Variants in USP15 observed in about 807,000 individuals in gnomAD.
USP15 encodes ubiquitin carboxyl-terminal hydrolase 15.
Under a neutral mutation model 127.1 loss-of-function variants are expected in USP15, and 18 were observed. The observed-to-expected ratio is 0.14, with a 90% CI of 0.10 to 0.21. The LOEUF is 0.21. Among genes scored for constraint, USP15 ranks in the 10% least tolerant of loss-of-function variants. The pLI, the probability that USP15 is intolerant of heterozygous loss-of-function variation, is 1.00. For missense variants in USP15, 805 were observed against 1,159.9 expected, an observed-to-expected ratio of 0.69 and a Z score of 4.44; for synonymous variants, 364 against 393.7, an observed-to-expected ratio of 0.92 and a Z score of 0.89.
chr12:62,281,627 C>T (rs1276051899), intron 1 of USP15, among the ~76,000 whole-genome samples: 1 of 152,156 alleles, frequency 6.6e-6, no homozygotes, highest in African/African-American at 2.4e-5. Context: ...GCGTGAGCCA[C>T]AGCACCTGGC....
intron 6 of USP15, among the ~76,000 whole-genome samples, chr12:62,347,404 CT>C (rs933281290): frequency 3.5e-5 from 5 of 142,028 alleles, no homozygotes; most frequent in Admixed American, 2.7e-4. Flanking sequence ...GTCTCAGTCA[CT>C]TTATTGGATG....
intron 8 of USP15, among the ~76,000 whole-genome samples, chr12:62,357,528 T>C (rs995320291): frequency 1.3e-5 from 2 of 152,062 alleles, no homozygotes; most frequent in African/African-American, 4.8e-5. Flanking sequence ...GCCGTGAGCG[T>C]GATGGTTTAT....
In USP15 at chr12:62,344,065, C is replaced by T. The variant is rs541782722; in HGVS notation, c.684-5156C>T. On this transcript the variant is annotated intron_variant, in intron 6 of 21. Transcript: ENST00000280377. ...GCCCCTGGCCCCTCCCAAATCTCAT[C>T]TCTTCACATTTCAAAACCAGTCATG... Among the ~76,000 whole-genome samples, 14 of 152,036 alleles carry T rather than the reference C, an allele frequency of 9.2e-5. No homozygotes were observed. The South Asian group carries it at 2.1e-3, about 23-fold the overall frequency.
At chr12:62,357,216 C>T (rs1219206105) in intron 8 of USP15, among the ~76,000 whole-genome samples, 1 of 152,018 alleles carries the variant, frequency 6.6e-6, no homozygotes, top group Non-Finnish European at 1.5e-5. Context: ...GACTAAATTC[C>T]TTCTAAAGCA....
At chr12:62,319,076 A>T (rs1223936904) in intron 4 of USP15, among the ~76,000 whole-genome samples, 1 of 152,314 alleles carries the variant, frequency 6.6e-6, no homozygotes, top group African/African-American at 2.4e-5. Flanking sequence ...ATTGACTTAC[A>T]GTTCCATAGG....
chr12:62,265,788 CCT>C (rs1328297535), intron 1 of USP15, among the ~76,000 whole-genome samples: 1 of 152,152 alleles, frequency 6.6e-6, no homozygotes, highest in East Asian at 1.9e-4. Context: ...CTCAAATGAT[CCT>C]CTGACTTCAG....
chr12:62,370,825 A>G lies in USP15; in HGVS notation c.916-10665A>G, dbSNP rs149199687. ...GGACATTCCTGCCAAGTTAAACTAC[A>G]TGTAACTTAAACTCAAGATGCCTAC... On this transcript the variant is annotated intron_variant, in intron 8 of 21. Coordinates refer to ENST00000280377, the MANE Select transcript of USP15 (RefSeq NM_001252078.2). Among the ~76,000 whole-genome samples the G allele has an allele frequency of 2.2e-3, 339 of 152,310 alleles. 2 individuals are homozygous for G. The highest frequency in any genetic ancestry group is 8.0e-3 in the African/African-American group (334 of 41,562).
intron 1 of USP15, among the ~76,000 whole-genome samples, chr12:62,263,673 CAAG>C (rs762740216): frequency 2.0e-5 from 3 of 152,104 alleles, no homozygotes; most frequent in South Asian, 2.1e-4. Context: ...TTTTAAAAAG[CAAG>C]AAGAAGGTAG....
At chr12:62,313,757 A>G (rs548965902) in intron 3 of USP15, among the ~76,000 whole-genome samples, 1 of 151,966 alleles carries the variant, frequency 6.6e-6, no homozygotes, top group African/African-American at 2.4e-5. Flanking sequence ...AAAAAATTGT[A>G]ACAAGTATGA....
chr12:62,335,236 G>T lies in USP15; in HGVS notation c.683+9303G>T, dbSNP rs1319914881. 6 of 1,534,394 alleles carry T rather than the reference G, an allele frequency of 3.9e-6. No individual in the cohort carries two copies. In the Admixed American group the frequency reaches 7.9e-5, roughly 20 times the overall value. Reference sequence around the variant, plus strand: ...TACGTCACAGAAAGAGAGCTAAAGGGCTCTGGTTATCATCCACAGACTGAC... The same window carrying T: ...TACGTCACAGAAAGAGAGCTAAAGGTCTCTGGTTATCATCCACAGACTGAC... On this transcript the variant is annotated intron_variant, in intron 6 of 21. Transcript: ENST00000280377.
intron 3 of USP15, among the ~76,000 whole-genome samples, chr12:62,308,984 G>A (rs1181030216): frequency 1.3e-5 from 2 of 152,154 alleles, no homozygotes; most frequent in African/African-American, 4.8e-5. Context: ...TTCTCAGAAG[G>A]AATTTTATAG....
At chr12:62,328,293 C>T in intron 6 of USP15, 1 of 453,578 alleles carries the variant, frequency 2.2e-6, no homozygotes, top group South Asian at 1.6e-5. Flanking sequence ...ATGTTTTCAG[C>T]TTTGTGGGCC....
At chr12:62,262,660 T>A (rs1007834789) in intron 1 of USP15, among the ~76,000 whole-genome samples, 11 of 152,162 alleles carry the variant, frequency 7.2e-5, no homozygotes, top group African/African-American at 2.7e-4. Context: ...TTTATATATG[T>A]GCGTGTGTGT....
chr12:62,393,803 A>G (rs2137631604), intron 19 of USP15: 1 of 152,422 alleles, frequency 6.6e-6, no homozygotes, highest in East Asian at 1.9e-4. Context: ...GCTGGTCTCG[A>G]ACTCCTGACC....
chr12:62,359,444 G>A (rs572689116), intron 8 of USP15, among the ~76,000 whole-genome samples: 1 of 152,048 alleles, frequency 6.6e-6, no homozygotes, highest in East Asian at 1.9e-4. Flanking sequence ...TTTTGTAAGG[G>A]TTACGTGAGT....
In USP15 at chr12:62,262,004, C is replaced by T. The variant is rs79870446; in HGVS notation, c.89+1501C>T. On this transcript the variant is annotated intron_variant, in intron 1 of 21. Transcript: ENST00000280377. The stretch of plus-strand genomic sequence containing the variant: ...CCTGTAACCCAGCACTTTGGGAGGC[C>T]GAGGAGGGAGGATCACTTGAACTCA... Among the ~76,000 whole-genome samples the T allele has an allele frequency of 3.4e-4, 52 of 152,048 alleles. 1 individual carries two copies. In the South Asian group the frequency reaches 3.7e-3, roughly 11 times the overall value.
chr12:62,381,274 T>G (rs2137567273), intron 8 of USP15, among the ~76,000 whole-genome samples: 1 of 152,150 alleles, frequency 6.6e-6, no homozygotes, highest in South Asian at 2.1e-4. Context: ...ATATTAGCAT[T>G]TTTATTTATT....
rs144332465 is a variant in USP15 at position 62,354,120 on chromosome 12, G to GGT, written c.771-1197_771-1196dup. On this transcript the variant is annotated intron_variant, in intron 7 of 21. Coordinates refer to ENST00000280377, the MANE Select transcript of USP15 (RefSeq NM_001252078.2). Reference sequence around the variant, plus strand: ...GGTTTTGTGTGTTTTCTCTGGGGGTGGTGTGTGTGTGTGTGCGTGTGTGTG... The same window carrying GGT: ...GGTTTTGTGTGTTTTCTCTGGGGGTGGTGTGTGTGTGTGTGTGCGTGTGTGTG... Among the ~76,000 whole-genome samples the GGT allele has an allele frequency of 2.5e-4, 37 of 149,660 alleles. No individual in the cohort carries two copies. The East Asian group carries it at 5.7e-3, about 23-fold the overall frequency.
rs116368098 is a variant in USP15 at position 62,272,040 on chromosome 12, G to A, written c.89+11537G>A. ...TGAAACCATGAAATTCTGAGTCTTA[G>A]TTTGTGGTACTTAAAAAAAAAGTCA... On this transcript the variant is annotated intron_variant, in intron 1 of 21. Coordinates refer to ENST00000280377, the MANE Select transcript of USP15 (RefSeq NM_001252078.2). 3.7e-3 allele frequency among the ~76,000 whole-genome samples: 565 copies of A among 151,280 alleles called. 5 individuals are homozygous for A. The highest frequency in any genetic ancestry group is 0.013 in the African/African-American group (531 of 41,284).
Sources: allele counts gnomAD v4.1 joint callset (sites outside exome capture counted in the v4.1 genomes callset), GRCh38; gene constraint gnomAD v4.1.1; transcripts MANE v1.5; gene names NCBI Gene and HGNC (gene_info 2026-07-23, HGNC 2026-07-21).